The following SIPA1L1 variants were observed in gnomAD, a reference collection of about 807,000 sequenced individuals.
SIPA1L1 encodes signal induced proliferation associated 1 like 1.
A neutral mutation model predicts 162.7 loss-of-function variants in SIPA1L1; 26 were observed. The ratio of observed to expected loss-of-function variants is 0.16; its 90% CI spans 0.12 to 0.22. The LOEUF (loss-of-function observed/expected upper bound fraction) is 0.22, where lower values mean the gene tolerates loss of function less well. Among genes scored for constraint, SIPA1L1 ranks in the 10% least tolerant of loss-of-function variants. SIPA1L1 has a pLI of 1.00. For synonymous variants in SIPA1L1, 829 were observed against 837.4 expected (o/e 0.99, Z 0.17); for missense variants, 1,874 against 2,241.0 (o/e 0.84, Z 3.31).
chr14:71,686,219 G>A (rs1253385586), intron 13 of SIPA1L1, among the ~76,000 whole-genome samples: 1 of 152,190 alleles, frequency 6.6e-6, no homozygotes, highest in Non-Finnish European at 1.5e-5. Context: ...GGACTGAGGG[G>A]TCCTAGAAAG....
intron 2 of SIPA1L1, among the ~76,000 whole-genome samples, 158 bp from the exon 3 acceptor site, chr14:71,512,585 C>CAAAAAAAAAAAAAAA (rs550540510): frequency 4.3e-5 from 2 of 46,410 alleles, no homozygotes; most frequent in East Asian, 1.4e-3. Flanking sequence ...GACTCTGTCT[C>CAAAAAAAAAAAAAAA]AAAAAAAAAA....
intron 4 of SIPA1L1, among the ~76,000 whole-genome samples, chr14:71,584,845 G>A (rs958229873): frequency 1.3e-5 from 2 of 152,132 alleles, no homozygotes; most frequent in Admixed American, 1.3e-4. Context: ...CTGTGAATTC[G>A]TATTGCTCTT....
chr14:71,528,117 G>A (rs2053069504), intron 3 of SIPA1L1, among the ~76,000 whole-genome samples: 1 of 152,162 alleles, frequency 6.6e-6, no homozygotes, highest in Non-Finnish European at 1.5e-5. Flanking sequence ...TTCTGTGGGT[G>A]TGTTTGTTCA....
At chr14:71,738,173 A>AC in intron 22 of SIPA1L1, 68 bp from the exon 23 acceptor site, 2 of 767,774 alleles carry the variant, frequency 2.6e-6, no homozygotes, top group Non-Finnish European at 4.0e-6. Flanking sequence ...AAAAAAAAAA[A>AC]AAAAAAAAAA....
chr14:71,662,783 T>A (rs2149264774), intron 10 of SIPA1L1, among the ~76,000 whole-genome samples: 1 of 152,324 alleles, frequency 6.6e-6, no homozygotes, highest in Non-Finnish European at 1.5e-5. Context: ...ATCTGAAACC[T>A]CTTATCAAGG....
intron 5 of SIPA1L1, among the ~76,000 whole-genome samples, chr14:71,612,381 G>C (rs1018644457): frequency 6.6e-6 from 1 of 152,148 alleles, no homozygotes; most frequent in South Asian, 2.1e-4. Flanking sequence ...TTAGGCATGA[G>C]ATAGTAGCTA....
chr14:71,325,573 G>T (rs1190082355), intron 2 of SIPA1L1, among the ~76,000 whole-genome samples: 2 of 152,112 alleles, frequency 1.3e-5, no homozygotes, highest in African/African-American at 2.4e-5. Flanking sequence ...TTTTATTCTG[G>T]CCTGGAGAGA....
intron 3 of SIPA1L1, among the ~76,000 whole-genome samples, chr14:71,523,670 CTT>C (rs1355197448): frequency 6.6e-6 from 1 of 152,124 alleles, no homozygotes; most frequent in Non-Finnish European, 1.5e-5. Context: ...GGTTTTTCTA[CTT>C]CCATTATCCT....
intron 2 of SIPA1L1, among the ~76,000 whole-genome samples, chr14:71,415,232 C>T (rs550855941): frequency 5.9e-4 from 90 of 152,254 alleles, no homozygotes; most frequent in African/African-American, 2.1e-3. Context: ...CTATTTGTGA[C>T]CTTCCTTGAA....
At chr14:71,527,737 A>G (rs998256005) in intron 3 of SIPA1L1, among the ~76,000 whole-genome samples, 1 of 152,186 alleles carries the variant, frequency 6.6e-6, no homozygotes, top group Non-Finnish European at 1.5e-5. Context: ...ATGGACAGTG[A>G]TCCTCAGCCT....
rs189651051 is a variant in SIPA1L1 at position 71,671,821 on chromosome 14, G to A, written c.2829+129G>A. 6.2e-5 allele frequency: 42 copies of A among 672,282 alleles called. No homozygotes were observed. In the African/African-American group the frequency reaches 6.7e-4, roughly 11 times the overall value. The allele number at this position is 672,282 out of a possible 1,614,324, so 41.6% of individuals were successfully genotyped here. ...TCTGAAAACTCCCTTGATGTGTGAA[G>A]CAAACAGAGTTTATCTCATGCTTGT... is the stretch of plus-strand genomic sequence containing the variant. On this transcript the variant is annotated intron_variant, in intron 11 of 23. Transcript: ENST00000381232.
intron 4 of SIPA1L1, among the ~76,000 whole-genome samples, chr14:71,546,639 G>A (rs965178531): frequency 6.6e-6 from 1 of 151,948 alleles, no homozygotes; most frequent in Non-Finnish European, 1.5e-5. Context: ...TGCCCGGCCT[G>A]CATTCATTTG....
At chr14:71,718,342 A>C (rs2083425428) in intron 17 of SIPA1L1, among the ~76,000 whole-genome samples, 1 of 152,354 alleles carries the variant, frequency 6.6e-6, no homozygotes, top group South Asian at 2.1e-4. Context: ...GCCTAAATCT[A>C]ATCAATTAAA....
intron 10 of SIPA1L1, 49 bp downstream of exon 10, chr14:71,661,516 C>T (rs573827222): frequency 7.0e-6 from 11 of 1,573,540 alleles, no homozygotes; most frequent in East Asian, 2.3e-5. Flanking sequence ...GGCTGGTTAT[C>T]GCATAGAGGC....
At chr14:71,733,835 A>G (rs2085031617) in intron 21 of SIPA1L1, 23 bp downstream of exon 21, 3 of 1,608,850 alleles carry the variant, frequency 1.9e-6, no homozygotes, top group Non-Finnish European at 2.5e-6. Context: ...AATCCACACA[A>G]GACAGCCCAG....
At chr14:71,355,170 C>G (rs2037119652) in intron 2 of SIPA1L1, among the ~76,000 whole-genome samples, 1 of 152,196 alleles carries the variant, frequency 6.6e-6, no homozygotes. Flanking sequence ...TATCAAATGT[C>G]CTTTGTAAGA....
chr14:71,390,428 C>A (rs924027944), intron 2 of SIPA1L1, among the ~76,000 whole-genome samples: 5 of 152,138 alleles, frequency 3.3e-5, no homozygotes, highest in African/African-American at 1.2e-4. Context: ...TTCCCATGTA[C>A]ATAGCTATTC....
chr14:71,446,602 A>G (rs192980976), intron 2 of SIPA1L1, among the ~76,000 whole-genome samples: 33 of 152,224 alleles, frequency 2.2e-4, no homozygotes, highest in Non-Finnish European at 4.0e-4. Context: ...TTACTATTTC[A>G]TCTTGTTATA....
intron 2 of SIPA1L1, among the ~76,000 whole-genome samples, chr14:71,356,940 A>G (rs949312368): frequency 1.3e-5 from 2 of 152,150 alleles, no homozygotes; most frequent in Non-Finnish European, 2.9e-5. Flanking sequence ...GTTGAGACTT[A>G]TGAATCAGTT....
Sources: gnomAD v4.1 joint callset for allele counts (sites outside exome capture counted in the v4.1 genomes callset) on GRCh38, gnomAD v4.1.1 for gene constraint, MANE v1.5 for transcripts, NCBI Gene and HGNC (gene_info 2026-07-23, HGNC 2026-07-21) for gene names.